Variants in PITPNM2 observed in about 807,000 individuals in gnomAD.
PITPNM2 encodes phosphatidylinositol transfer protein membrane associated 2.
Under a neutral mutation model 132.2 loss-of-function variants are expected in PITPNM2, and 35 were observed. The observed-to-expected ratio is 0.26, with a 90% CI of 0.20 to 0.35. The LOEUF is 0.35. Ranked by LOEUF, PITPNM2 falls within the 10% of genes least tolerant of loss-of-function variation. The pLI is 1.00. For missense variants in PITPNM2, 1,332 were observed against 1,912.0 expected, an observed-to-expected ratio of 0.70 and a Z score of 5.66; for synonymous variants, 738 against 799.2, an observed-to-expected ratio of 0.92 and a Z score of 1.29.
intron 2 of PITPNM2, among the ~76,000 whole-genome samples, chr12:123,109,946 G>T (rs1426971655): frequency 6.6e-6 from 1 of 152,180 alleles, no homozygotes; most frequent in Non-Finnish European, 1.5e-5. Context: ...ACATTAATCA[G>T]ATAAAGTCAG....
At chr12:123,056,295 T>C (rs1291800008) in intron 2 of PITPNM2, among the ~76,000 whole-genome samples, 2 of 152,228 alleles carry the variant, frequency 1.3e-5, no homozygotes, top group African/African-American at 2.4e-5. Flanking sequence ...ACCTGAGCGC[T>C]CTGGAGAACT....
At chr12:123,025,297 C>A (rs1384927904) in intron 3 of PITPNM2, among the ~76,000 whole-genome samples, 1 of 152,184 alleles carries the variant, frequency 6.6e-6, no homozygotes, top group East Asian at 1.9e-4. Flanking sequence ...TGTGCTATAT[C>A]TCCATGGCCC....
chr12:123,069,055 C>G (rs1278257654), intron 2 of PITPNM2, among the ~76,000 whole-genome samples: 1 of 151,994 alleles, frequency 6.6e-6, no homozygotes, highest in African/African-American at 2.4e-5. Context: ...GAGTTTGAGA[C>G]TAGCCTGGGC....
At chr12:123,087,928 A>C (rs1020843275) in intron 2 of PITPNM2, 1 of 152,250 alleles carries the variant, frequency 6.6e-6, no homozygotes, top group Admixed American at 6.5e-5. Context: ...ATTTCTAACT[A>C]GTCTCCCTCC....
intron 17 of PITPNM2, 87 bp from the exon 18 acceptor site, chr12:122,990,035 A>G (rs536845723): frequency 2.5e-4 from 280 of 1,114,644 alleles, no homozygotes; most frequent in Non-Finnish European, 3.0e-4. Context: ...ACACTGGGAC[A>G]GTGCCAGGCC....
chr12:122,989,205 C>T (rs1463865492), intron 18 of PITPNM2, among the ~76,000 whole-genome samples: 1 of 152,206 alleles, frequency 6.6e-6, no homozygotes, highest in Non-Finnish European at 1.5e-5. Context: ...CCATCTCTGC[C>T]CTCTCTGGGC....
At chr12:123,066,939 T>C (rs2041442949) in intron 2 of PITPNM2, among the ~76,000 whole-genome samples, 1 of 152,174 alleles carries the variant, frequency 6.6e-6, no homozygotes, top group African/African-American at 2.4e-5. Flanking sequence ...GCCAGTGCAG[T>C]AGGTTTGCCC....
At chr12:123,033,534 G>A (rs891676865) in intron 3 of PITPNM2, among the ~76,000 whole-genome samples, 2 of 152,206 alleles carry the variant, frequency 1.3e-5, no homozygotes, top group Non-Finnish European at 2.9e-5. Flanking sequence ...TCAAACTCCT[G>A]TGTGCGTCTG....
Position 123,095,524 on chromosome 12 carries a change from G to A in PITPNM2, c.-96+14861C>T, listed in dbSNP as rs781431453. On this transcript the variant is annotated intron_variant, in intron 2 of 25. Transcript: ENST00000320201. This position sits in a 1 kb window ranked among gnomAD's most constrained non-coding sequence, Gnocchi z 5.0. Reference sequence around the variant, plus strand: ...CCTGCCCCCTCCTCCCCCCGCCTCCGACCTGTCACCCAGATGAAGTGAGAC... The same window carrying A: ...CCTGCCCCCTCCTCCCCCCGCCTCCAACCTGTCACCCAGATGAAGTGAGAC... Among the ~76,000 whole-genome samples the A allele has an allele frequency of 3.2e-4, 48 of 151,860 alleles. No homozygotes were observed. The highest frequency in any genetic ancestry group is 5.1e-4 in the Non-Finnish European group (35 of 67,966).
intron 2 of PITPNM2, chr12:123,081,064 A>G (rs1032301975): frequency 3.3e-5 from 5 of 152,256 alleles, no homozygotes; most frequent in African/African-American, 1.2e-4. Context: ...CTAAGGCCTG[A>G]GGAGATGACA....
intron 6 of PITPNM2, among the ~76,000 whole-genome samples, chr12:123,007,764 A>T (rs2039004434): frequency 1.3e-5 from 2 of 151,986 alleles, no homozygotes; most frequent in Non-Finnish European, 2.9e-5. Flanking sequence ...GCTCTACCCT[A>T]TATAGGGAAA....
intron 2 of PITPNM2, among the ~76,000 whole-genome samples, chr12:123,035,456 C>T (rs989655911): frequency 2.0e-5 from 3 of 151,970 alleles, no homozygotes; most frequent in Admixed American, 2.0e-4. Flanking sequence ...ACTTGAGGTT[C>T]GGCGTTCAAG....
intron 2 of PITPNM2, among the ~76,000 whole-genome samples, chr12:123,061,987 G>T (rs2041252121): frequency 6.6e-6 from 1 of 151,890 alleles, no homozygotes; most frequent in African/African-American, 2.4e-5. Context: ...ACGGTGTAGA[G>T]GTAGGCGGTA....
intron 1 of PITPNM2, among the ~76,000 whole-genome samples, chr12:123,148,012 G>C (rs1482245328): frequency 6.6e-6 from 1 of 152,146 alleles, no homozygotes; most frequent in Admixed American, 6.5e-5. Context: ...AATTCTAAAA[G>C]AAAATTTTAA....
At position 123,128,828 on chromosome 12, in the gene PITPNM2, A is replaced by C. The variant is rs569165189; in HGVS notation, c.-199-18340T>G. Among the ~76,000 whole-genome samples the C allele has an allele frequency of 9.2e-5, 14 of 151,962 alleles. No homozygotes were observed. In the South Asian group the frequency reaches 2.9e-3, roughly 32 times the overall value. ...ATGTTGAAATATTTGCCTATCCCTCAGTCTCTACGTTTTTAAGATTAATGA... is the reference window on the plus strand; with the variant it reads ...ATGTTGAAATATTTGCCTATCCCTCCGTCTCTACGTTTTTAAGATTAATGA... On this transcript the variant is annotated intron_variant, in intron 1 of 25. Transcript: ENST00000320201.
intron 2 of PITPNM2, among the ~76,000 whole-genome samples, chr12:123,094,537 T>C (rs2042354929): frequency 6.6e-6 from 1 of 152,246 alleles, no homozygotes; most frequent in Non-Finnish European, 1.5e-5. Context: ...GACTTAGTCC[T>C]CTGGGGACGT....
chr12:123,121,026 T>C (rs527742524), intron 1 of PITPNM2, among the ~76,000 whole-genome samples: 1 of 152,308 alleles, frequency 6.6e-6, no homozygotes, highest in South Asian at 2.1e-4. Context: ...GAATAGAATC[T>C]TCTCAGAACA....
intron 6 of PITPNM2, chr12:123,007,493 A>T: frequency 2.3e-6 from 1 of 439,402 alleles, no homozygotes; most frequent in Admixed American, 2.5e-5. Context: ...CGGGTTTGCA[A>T]GCAGTTGGGC....
intron 2 of PITPNM2, among the ~76,000 whole-genome samples, chr12:123,060,920 T>C (rs1027705327): frequency 2.6e-5 from 4 of 152,154 alleles, no homozygotes; most frequent in African/African-American, 9.7e-5. Context: ...GGCAGACAGT[T>C]GATCTACTCA....
Sources: allele counts gnomAD v4.1 joint callset (sites outside exome capture counted in the v4.1 genomes callset), GRCh38; gene constraint gnomAD v4.1.1; non-coding constraint Gnocchi (gnomAD v3.1); transcripts MANE v1.5; gene names NCBI Gene and HGNC (gene_info 2026-07-23, HGNC 2026-07-21).